The following DOCK11 variants were observed in gnomAD, a reference collection of about 807,000 sequenced individuals.
DOCK11 encodes dedicator of cytokinesis protein 11.
Under a neutral mutation model 169.1 loss-of-function variants are expected in DOCK11, and 70 were observed. The ratio of observed to expected loss-of-function variants is 0.41; its 90% CI spans 0.34 to 0.51. DOCK11 has a LOEUF of 0.51. Among genes scored for constraint, DOCK11 ranks in the 20% least tolerant of loss-of-function variants. The probability of loss-of-function intolerance (pLI) is 0.10; values close to 1 mark genes in which losing one functional copy is unlikely to be tolerated. For missense variants in DOCK11, 1,166 were observed against 1,538.8 expected, an observed-to-expected ratio of 0.76 and a Z score of 4.05; for synonymous variants, 529 against 541.3, an observed-to-expected ratio of 0.98 and a Z score of 0.32.
chrX:118,685,404 T>C (rs1388614317), intron 52 of DOCK11: 1 of 224,802 alleles, frequency 4.4e-6, no homozygotes. Flanking sequence ...AAAAAATATT[T>C]TAAAGATTGT....
rs186347297 is a variant in DOCK11, at chrX:118,498,030, C to T, written c.102+1957C>T. 1.2e-4 allele frequency among the ~76,000 whole-genome samples: 13 copies of T among 112,455 alleles called. No homozygotes were observed. In the East Asian group the frequency reaches 1.7e-3, roughly 14 times the overall value. On this transcript the variant is annotated intron_variant, in intron 1 of 52. Coordinates refer to ENST00000276202, the MANE Select transcript of DOCK11 (RefSeq NM_144658.4). Reference sequence around the variant, plus strand: ...ATTGGCAGGAGTCTTTTCTAGGAGACGCTGGCAGTGGCCATGGTTCCCTTG... The same window carrying T: ...ATTGGCAGGAGTCTTTTCTAGGAGATGCTGGCAGTGGCCATGGTTCCCTTG...
At chrX:118,554,963 C>T (rs2012631060) in intron 6 of DOCK11, among the ~76,000 whole-genome samples, 1 of 111,801 alleles carries the variant, frequency 8.9e-6, no homozygotes, top group African/African-American at 3.3e-5. Flanking sequence ...CAGATGTTAG[C>T]AATTGTTGTT....
chrX:118,646,997 C>A, intron 40 of DOCK11, among the ~76,000 whole-genome samples: 1 of 111,055 alleles, frequency 9.0e-6, no homozygotes, highest in Non-Finnish European at 1.9e-5. Context: ...AGTCTGTTAC[C>A]TGTATATTGT....
chrX:118,559,104 A>G (rs1004715147), intron 6 of DOCK11, among the ~76,000 whole-genome samples: 1 of 112,080 alleles, frequency 8.9e-6, no homozygotes, highest in African/African-American at 3.2e-5. Context: ...ATGTTAGAGG[A>G]AGTGATTTGC....
intron 35 of DOCK11, among the ~76,000 whole-genome samples, chrX:118,635,178 T>C (rs1400309377): frequency 1.8e-5 from 2 of 112,298 alleles, no homozygotes; most frequent in African/African-American, 6.5e-5. Context: ...TCCCTCATCC[T>C]CCTTGCCCCT....
intron 1 of DOCK11, among the ~76,000 whole-genome samples, chrX:118,503,578 AAAG>A (rs757389957): frequency 9.0e-6 from 1 of 111,431 alleles, no homozygotes; most frequent in Non-Finnish European, 1.9e-5. Flanking sequence ...GGGGAAGGGA[AAAG>A]AAAATGAGCA....
chrX:118,651,161 C>T (rs1379617260), intron 41 of DOCK11, among the ~76,000 whole-genome samples: 5 of 112,096 alleles, frequency 4.5e-5, no homozygotes, highest in Non-Finnish European at 9.4e-5. Context: ...CCATCAAAGA[C>T]AGTGGTTCAT....
intron 6 of DOCK11, among the ~76,000 whole-genome samples, chrX:118,549,147 A>AT (rs2012398160): frequency 1.3e-5 from 1 of 78,256 alleles, no homozygotes; most frequent in African/African-American, 1.1e-4. Flanking sequence ...AACATATAAA[A>AT]CTTTTTTTTT....
chrX:118,632,115 C>T (rs1216158595), intron 35 of DOCK11, among the ~76,000 whole-genome samples: 2 of 110,678 alleles, frequency 1.8e-5, no homozygotes, highest in Admixed American at 9.6e-5. Flanking sequence ...CCACCACGCC[C>T]GGCTAATTTG....
chrX:118,663,372 G>A (rs1322713783), intron 45 of DOCK11, among the ~76,000 whole-genome samples: 5 of 112,113 alleles, frequency 4.5e-5, no homozygotes, highest in African/African-American at 1.3e-4. Flanking sequence ...CAGACAATAT[G>A]TGCCATGCAA....
intron 40 of DOCK11, among the ~76,000 whole-genome samples, chrX:118,647,564 T>C (rs1243181050): frequency 1.5e-5 from 1 of 68,336 alleles, no homozygotes; most frequent in Non-Finnish European, 2.6e-5. Flanking sequence ...TATATATTAA[T>C]ATAATATATT....
At chrX:118,683,397 T>C (rs1308380642) in intron 52 of DOCK11, among the ~76,000 whole-genome samples, 180 bp downstream of exon 52, 1 of 112,507 alleles carries the variant, frequency 8.9e-6, no homozygotes, top group Non-Finnish European at 1.9e-5. Flanking sequence ...GCAACAATTA[T>C]CTAAAGTGGT....
chrX:118,544,598 C>T (rs1276521830), intron 4 of DOCK11, among the ~76,000 whole-genome samples: 1 of 104,353 alleles, frequency 9.6e-6, no homozygotes, highest in Non-Finnish European at 1.9e-5. Context: ...AATGACCAGT[C>T]CAAGGTCATA....
chrX:118,497,399 A>C (rs1202181445), intron 1 of DOCK11, among the ~76,000 whole-genome samples: 1 of 112,305 alleles, frequency 8.9e-6, no homozygotes. Context: ...TACCTTTGAG[A>C]TAAAGATCTG....
intron 45 of DOCK11, among the ~76,000 whole-genome samples, chrX:118,670,701 A>G (rs2016448368): frequency 8.9e-6 from 1 of 112,009 alleles, no homozygotes; most frequent in Non-Finnish European, 1.9e-5. Context: ...GGAACAAACA[A>G]TATATTCCCT....
At chrX:118,645,851 A>G (rs756627079) in intron 40 of DOCK11, among the ~76,000 whole-genome samples, 16 of 101,508 alleles carry the variant, frequency 1.6e-4, no homozygotes, top group African/African-American at 5.8e-4. Context: ...GTTCGAGACC[A>G]GCTTGGCCAA....
At chrX:118,607,946 A>G (rs980372495) in intron 24 of DOCK11, 126 bp from the exon 25 acceptor site, 11 of 528,167 alleles carry the variant, frequency 2.1e-5, no homozygotes, top group Admixed American at 7.7e-5. Flanking sequence ...ATCTAATGCA[A>G]TCATCTCACT....
intron 38 of DOCK11, 33 bp downstream of exon 38, chrX:118,639,610 AC>A (rs2015478920): frequency 8.5e-7 from 1 of 1,171,148 alleles, no homozygotes; most frequent in Non-Finnish European, 1.1e-6. Flanking sequence ...TACCCATTTG[AC>A]CTTAAAGAAG....
chrX:118,647,725 T>TTAATA (rs1241219663), intron 40 of DOCK11, among the ~76,000 whole-genome samples: 14 of 44,689 alleles, frequency 3.1e-4, no homozygotes, highest in East Asian at 7.7e-4. Flanking sequence ...TATATAATAA[T>TTAATA]TAATATAATA....
Sources: allele counts gnomAD v4.1 joint callset (sites outside exome capture counted in the v4.1 genomes callset), GRCh38; gene constraint gnomAD v4.1.1; transcripts MANE v1.5; gene names NCBI Gene and HGNC (gene_info 2026-07-23, HGNC 2026-07-21).